The following MAGI2 variants were observed in gnomAD, a reference collection of about 807,000 sequenced individuals.
MAGI2 encodes membrane-associated guanylate kinase, WW and PDZ domain-containing protein 2.
In MAGI2, 35 loss-of-function variants were observed where a neutral mutation model predicts 133.3. That is an observed-to-expected ratio of 0.26 (90% CI 0.20 to 0.35). The LOEUF (loss-of-function observed/expected upper bound fraction) is 0.35. Among genes scored for constraint, MAGI2 ranks in the 10% least tolerant of loss-of-function variants. The probability of loss-of-function intolerance (pLI) is 1.00; values close to 1 mark genes in which losing one functional copy is unlikely to be tolerated. For missense variants in MAGI2, 1,636 were observed against 1,863.4 expected (o/e 0.88, Z 2.25); for synonymous variants, 729 against 710.6 (o/e 1.03, Z -0.41).
chr7:79,235,677 A>G (rs1341583123), intron 1 of MAGI2, among the ~76,000 whole-genome samples: 11 of 152,002 alleles, frequency 7.2e-5, no homozygotes, highest in Non-Finnish European at 1.3e-4. Flanking sequence ...GCACCCACTG[A>G]CCTGCGCCCA....
chr7:78,111,450 T>C (rs190700731), intron 20 of MAGI2, among the ~76,000 whole-genome samples: 1 of 152,318 alleles, frequency 6.6e-6, no homozygotes, highest in East Asian at 1.9e-4. Flanking sequence ...CATGGGAAGA[T>C]GCTTTTGAAA....
intron 6 of MAGI2, among the ~76,000 whole-genome samples, chr7:78,376,904 T>C (rs1443629754): frequency 6.6e-6 from 1 of 152,044 alleles, no homozygotes; most frequent in African/African-American, 2.4e-5. Flanking sequence ...CCTAGTAGGT[T>C]TTTGTCTTTA....
chr7:78,661,825 A>G (rs1812990021), intron 2 of MAGI2, among the ~76,000 whole-genome samples: 2 of 152,310 alleles, frequency 1.3e-5, no homozygotes, highest in African/African-American at 2.4e-5. Flanking sequence ...TCAAAACTCA[A>G]AAGAAGACTC....
intron 2 of MAGI2, among the ~76,000 whole-genome samples, chr7:78,722,682 C>T (rs903279809): frequency 2.0e-5 from 3 of 152,010 alleles, no homozygotes; most frequent in African/African-American, 4.8e-5. Context: ...CAGTAAGACA[C>T]GGGCTAAATT....
intron 3 of MAGI2, among the ~76,000 whole-genome samples, chr7:78,599,929 T>C (rs1805012201): frequency 2.0e-5 from 3 of 152,172 alleles, no homozygotes; most frequent in African/African-American, 7.2e-5. Flanking sequence ...CGTGTGAACT[T>C]TGGAATGGTG....
At chr7:78,594,771 A>G (rs899348882) in intron 3 of MAGI2, among the ~76,000 whole-genome samples, 1 of 152,214 alleles carries the variant, frequency 6.6e-6, no homozygotes, top group South Asian at 2.1e-4. Flanking sequence ...AGGAATTCTT[A>G]AAAGGACCTG....
chr7:78,536,912 T>C (rs1336527511), intron 3 of MAGI2, among the ~76,000 whole-genome samples: 1 of 152,092 alleles, frequency 6.6e-6, no homozygotes, highest in African/African-American at 2.4e-5. Flanking sequence ...ACTCAGCACC[T>C]ATGCAGTGTA....
At chr7:78,045,748 G>T (rs1811351840) in intron 21 of MAGI2, among the ~76,000 whole-genome samples, 1 of 152,082 alleles carries the variant, frequency 6.6e-6, no homozygotes, top group Non-Finnish European at 1.5e-5. Flanking sequence ...ATTATGTACA[G>T]TTCTCTTAGT....
At position 78,256,145 on chromosome 7, in the gene MAGI2, G is replaced by A. The variant is rs1409091936; in HGVS notation, c.1845C>T (p.Phe615=). The A allele has an allele frequency of 2.5e-5, 41 of 1,613,700 alleles. No individual in the cohort carries two copies. The highest frequency in any genetic ancestry group is 1.1e-4 in the East Asian group (5 of 44,770). ...TLTIVKGAQG[F]GFTIADSPTG... ...TAGGACTGTCGGCAATAGTGAAGCCGAAGCCCTGGGCACCTTTCACAATGG... is the reference window on the plus strand; with the variant it reads ...TAGGACTGTCGGCAATAGTGAAGCCAAAGCCCTGGGCACCTTTCACAATGG... Residue 615 remains phenylalanine (F), a synonymous_variant, in exon 10 of 22, where the codon TTC becomes TTT. Coordinates refer to ENST00000354212, the MANE Select transcript of MAGI2 (RefSeq NM_012301.4).
intron 2 of MAGI2, among the ~76,000 whole-genome samples, chr7:78,772,383 T>C (rs1207868): frequency 0.33 from 50,106 of 152,122 alleles, 8,432 homozygotes; most frequent in South Asian, 0.47. Flanking sequence ...AACTCTTATT[T>C]GGCATTTGGT....
intron 1 of MAGI2, among the ~76,000 whole-genome samples, chr7:79,230,649 T>G (rs2129554191): frequency 6.6e-6 from 1 of 150,724 alleles, no homozygotes; most frequent in East Asian, 2.0e-4. Context: ...GTTTGTTTTT[T>G]TCTTGTAAAT....
intron 7 of MAGI2, among the ~76,000 whole-genome samples, chr7:78,364,651 G>A (rs1002499560): frequency 3.3e-5 from 5 of 152,170 alleles, no homozygotes; most frequent in African/African-American, 1.2e-4. Flanking sequence ...AGCTTTGCAT[G>A]AAAGCTGTCC....
chr7:79,408,144 T>C (rs1393264850), intron 1 of MAGI2, among the ~76,000 whole-genome samples: 3 of 152,128 alleles, frequency 2.0e-5, no homozygotes, highest in African/African-American at 4.8e-5. Flanking sequence ...CTAAATTTTA[T>C]TACTGCTAAA....
chr7:78,976,572 T>C (rs1487423970), intron 2 of MAGI2, among the ~76,000 whole-genome samples: 3 of 151,462 alleles, frequency 2.0e-5, no homozygotes, highest in African/African-American at 7.3e-5. Context: ...TTCACCACTC[T>C]ATTTAACATC....
At chr7:78,333,317 G>A (rs1034621045) in intron 9 of MAGI2, among the ~76,000 whole-genome samples, 4 of 152,128 alleles carry the variant, frequency 2.6e-5, no homozygotes, top group African/African-American at 4.8e-5. Flanking sequence ...AAAGTGAAAG[G>A]TACTTTCTTA....
intron 1 of MAGI2, among the ~76,000 whole-genome samples, chr7:79,085,348 T>G (rs1419023784): frequency 6.6e-6 from 1 of 151,846 alleles, no homozygotes; most frequent in Non-Finnish European, 1.5e-5. Flanking sequence ...TCATATATTT[T>G]TATTATTATC....
intron 2 of MAGI2, among the ~76,000 whole-genome samples, chr7:78,755,518 A>C (rs1392131512): frequency 6.6e-6 from 1 of 152,196 alleles, no homozygotes; most frequent in Non-Finnish European, 1.5e-5. Flanking sequence ...AATATGTGAA[A>C]ACAAAAATCA....
chr7:78,977,258 T>C (rs1201295021), intron 2 of MAGI2, among the ~76,000 whole-genome samples: 2 of 151,500 alleles, frequency 1.3e-5, no homozygotes, highest in Non-Finnish European at 3.0e-5. Context: ...TATAGGTCAA[T>C]GTAACAGAAT....
intron 2 of MAGI2, among the ~76,000 whole-genome samples, chr7:78,982,086 C>CG (rs111266130): frequency 0.026 from 3,888 of 151,860 alleles, 166 homozygotes; most frequent in African/African-American, 0.087. Flanking sequence ...CTTCTGGCGA[C>CG]GGGGCTTTAA....
Sources: allele counts gnomAD v4.1 joint callset (sites outside exome capture counted in the v4.1 genomes callset), GRCh38; gene constraint gnomAD v4.1.1; transcripts MANE v1.5; gene names NCBI Gene and HGNC (gene_info 2026-07-23, HGNC 2026-07-21).